Variants in PDE1C observed in about 807,000 individuals in gnomAD.
PDE1C encodes the protein phosphodiesterase 1C.
PDE1C carries 62 observed loss-of-function variants against 93.1 expected under a neutral mutation model. The ratio of observed to expected loss-of-function variants is 0.67; its 90% CI spans 0.54 to 0.82. PDE1C has a LOEUF of 0.82. PDE1C is among the 40% of genes least tolerant of loss of function. The pLI is 0.00. For missense variants in PDE1C, 742 were observed against 884.6 expected (o/e 0.84, Z 2.04); for synonymous variants, 325 against 310.1 (o/e 1.05, Z -0.50).
At chr7:32,209,478 G>C (rs1207305395) in intron 2 of PDE1C, 1 of 1,568,546 alleles carries the variant, frequency 6.4e-7, no homozygotes, top group East Asian at 2.3e-5. Flanking sequence ...AGTGAAACAA[G>C]ATTTACTCAC....
intron 11 of PDE1C, among the ~76,000 whole-genome samples, chr7:31,832,800 G>A (rs1449196118): frequency 2.0e-5 from 3 of 152,258 alleles, no homozygotes; most frequent in East Asian, 3.9e-4. Flanking sequence ...GTATATGTAT[G>A]TGCAAACAAG....
intron 3 of PDE1C, among the ~76,000 whole-genome samples, chr7:32,127,368 G>T (rs992880598): frequency 1.3e-5 from 2 of 151,986 alleles, no homozygotes; most frequent in African/African-American, 4.8e-5. Context: ...CAATAATGTA[G>T]AAGACCAATT....
At chr7:32,423,625 A>G (rs569061118) in intron 1 of PDE1C, among the ~76,000 whole-genome samples, 2 of 152,324 alleles carry the variant, frequency 1.3e-5, no homozygotes, top group African/African-American at 4.8e-5. Context: ...ATAAACACCA[A>G]TGTTTGAAAT....
chr7:32,134,857 A>T (rs1464011850), intron 3 of PDE1C, among the ~76,000 whole-genome samples: 9 of 152,178 alleles, frequency 5.9e-5, no homozygotes, highest in Admixed American at 5.9e-4. Flanking sequence ...GCAAACCACG[A>T]TGGCACATGT....
chr7:31,790,115 TTG>T, intron 16 of PDE1C: 1 of 1,550,118 alleles, frequency 6.5e-7, no homozygotes, highest in East Asian at 2.3e-5. Flanking sequence ...GGTGGGGGGC[TTG>T]TGTTTGAAAG....
chr7:32,227,979 A>G (rs1049071640), intron 1 of PDE1C, among the ~76,000 whole-genome samples: 1 of 152,250 alleles, frequency 6.6e-6, no homozygotes, highest in African/African-American at 2.4e-5. Flanking sequence ...TCAAGCCTTC[A>G]GATGACTGCA....
intron 3 of PDE1C, among the ~76,000 whole-genome samples, chr7:32,139,262 A>G (rs980258112): frequency 1.3e-5 from 2 of 149,650 alleles, no homozygotes; most frequent in Non-Finnish European, 3.0e-5. Context: ...CAGCCTCCCA[A>G]GTAGCTAGGA....
At chr7:32,297,007 A>T (rs1481177990) in intron 1 of PDE1C, among the ~76,000 whole-genome samples, 2 of 152,162 alleles carry the variant, frequency 1.3e-5, no homozygotes, top group African/African-American at 2.4e-5. Flanking sequence ...TTGCCAAGGG[A>T]GAAATTCTTT....
chr7:32,219,272 G>A (rs1806661013), intron 1 of PDE1C, among the ~76,000 whole-genome samples: 1 of 152,196 alleles, frequency 6.6e-6, no homozygotes, highest in Non-Finnish European at 1.5e-5. Context: ...GATGGAGTCT[G>A]CCCAGGGAGA....
intron 2 of PDE1C, among the ~76,000 whole-genome samples, chr7:31,894,181 C>G (rs983335213): frequency 6.6e-6 from 1 of 152,190 alleles, no homozygotes; most frequent in Admixed American, 6.5e-5. Flanking sequence ...TCAAAGTGTA[C>G]GTGAGAATTT....
chr7:31,962,467 C>A (rs953801276), intron 2 of PDE1C, among the ~76,000 whole-genome samples: 5 of 152,174 alleles, frequency 3.3e-5, no homozygotes, highest in Non-Finnish European at 7.3e-5. Context: ...AGAAGTGAGT[C>A]ATTTCTGCTT....
chr7:32,242,868 G>A (rs954340695), intron 1 of PDE1C, among the ~76,000 whole-genome samples: 49 of 152,300 alleles, frequency 3.2e-4, no homozygotes, highest in African/African-American at 1.2e-3. Context: ...AAATGTTGAG[G>A]ACACAAGGGA....
intron 3 of PDE1C, among the ~76,000 whole-genome samples, chr7:32,095,282 G>A (rs1349126265): frequency 6.6e-6 from 1 of 152,228 alleles, no homozygotes; most frequent in African/African-American, 2.4e-5. Flanking sequence ...CATTTCCGAT[G>A]AGGGGCAGAC....
At chr7:31,697,862 T>C in the PDE1C span, among the ~76,000 whole-genome samples, 1 of 152,206 alleles carries the variant, frequency 6.6e-6, no homozygotes, top group South Asian at 2.1e-4. Context: ...TATTATCTCG[T>C]TTTGCAGACT....
intron 1 of PDE1C, among the ~76,000 whole-genome samples, chr7:32,231,659 C>A (rs57021079): frequency 0.1 from 15,975 of 152,176 alleles, 890 homozygotes; most frequent in East Asian, 0.13. Flanking sequence ...TGCTCTCCAA[C>A]ACTGAAAAGG....
At chr7:32,215,255 T>C (rs374682265) in intron 1 of PDE1C, among the ~76,000 whole-genome samples, 7 of 152,264 alleles carry the variant, frequency 4.6e-5, no homozygotes, top group Admixed American at 3.3e-4. Flanking sequence ...GAACTGTGCA[T>C]GTGAGGGATC....
the PDE1C span, among the ~76,000 whole-genome samples, chr7:31,618,813 G>T: frequency 6.6e-6 from 1 of 152,196 alleles, no homozygotes; most frequent in Non-Finnish European, 1.5e-5. Context: ...CAAATGGCAT[G>T]CCATGCCCAA....
At chr7:32,141,708 G>T (rs754359670) in intron 3 of PDE1C, among the ~76,000 whole-genome samples, 5 of 152,138 alleles carry the variant, frequency 3.3e-5, no homozygotes, top group African/African-American at 2.4e-5. Flanking sequence ...ACCCTGGATG[G>T]GATCCTAGAA....
At chr7:32,341,173 C>CTATTTTTTATTTTATTTTA (rs796122014) in intron 1 of PDE1C, among the ~76,000 whole-genome samples, 3 of 84,952 alleles carry the variant, frequency 3.5e-5, no homozygotes, top group South Asian at 6.0e-4. Flanking sequence ...GAAATAAAGT[C>CTATTTTTTATTTTATTTTA]TTTTTTTTTT....
Sources: allele counts gnomAD v4.1 joint callset (sites outside exome capture counted in the v4.1 genomes callset), GRCh38; gene constraint gnomAD v4.1.1; transcripts MANE v1.5; gene names NCBI Gene and HGNC (gene_info 2026-07-23, HGNC 2026-07-21).